The following CSMD2 variants were observed in gnomAD, a reference collection of about 807,000 sequenced individuals.
CSMD2 encodes the protein CUB and Sushi multiple domains 2, also known as CUB and sushi domain-containing protein 2.
Under a neutral mutation model 398.5 loss-of-function variants are expected in CSMD2, and 130 were observed. The observed-to-expected ratio is 0.33, with a 90% CI of 0.28 to 0.38. The LOEUF (loss-of-function observed/expected upper bound fraction) is 0.38, where lower values mean the gene tolerates loss of function less well. Among genes scored for constraint, CSMD2 ranks in the 10% least tolerant of loss-of-function variants. The probability of loss-of-function intolerance (pLI) is 1.00; values close to 1 mark genes in which losing one functional copy is unlikely to be tolerated. For synonymous variants in CSMD2, 1,828 were observed against 1,908.5 expected (o/e 0.96, Z 1.10); for missense variants, 3,829 against 4,764.9 (o/e 0.80, Z 5.78).
intron 1 of CSMD2, among the ~76,000 whole-genome samples, chr1:34,150,989 GCGGGGGATGCAAACTTGA>G (rs1458392281): frequency 6.6e-6 from 1 of 152,142 alleles, no homozygotes; most frequent in African/African-American, 2.4e-5. Flanking sequence ...TAAAGGGGGG[GCGGGGGATGCAAACTTGA>G]CATCTCCCAA....
Position 33,559,393 on chromosome 1 carries a change from A to C in CSMD2, c.8461T>G (p.Phe2821Val). 6.5e-7 allele frequency: 1 copy of C among 1,536,144 alleles called. No individual in the cohort carries two copies. Among genetic ancestry groups the C allele is most frequent in the East Asian group, 2.4e-5 (1 of 40,914 alleles). ...GCCATATACCCAGGGTTGCAAACAAACTTGACCACATCGTTGAGGTTAAAC... is the reference window on the plus strand; with the variant it reads ...GCCATATACCCAGGGTTGCAAACAACCTTGACCACATCGTTGAGGTTAAAC... ...NQFNLNDVVK[F>V]VCNPGYMAEG... Residue 2821 changes from phenylalanine to valine, a missense_variant, in exon 54 of 71, where the codon TTT becomes GTT. By Grantham distance (50) the Phe-to-Val change is conservative. Around this residue, in one of 5 missense-constraint regions of CSMD2, gnomAD observed 917 missense variants for 1,199.5 expected, o/e 0.76. Transcript: ENST00000373381. This position sits in a 1 kb window ranked among gnomAD's most constrained non-coding sequence, Gnocchi z 4.0.
intron 6 of CSMD2, among the ~76,000 whole-genome samples, chr1:33,836,654 C>T (rs981281119): frequency 2.0e-5 from 3 of 152,200 alleles, no homozygotes; most frequent in African/African-American, 7.2e-5. Flanking sequence ...GTGTAGGACC[C>T]TCTGAGCCAT....
At position 33,698,949 on chromosome 1, in the gene CSMD2, T is replaced by C. The variant is rs765650308; in HGVS notation, c.3734-5A>G. 1 of 1,612,316 alleles carries C rather than the reference T, an allele frequency of 6.2e-7. No homozygotes were observed. Among genetic ancestry groups the C allele is most frequent in the Admixed American group, 1.7e-5 (1 of 59,912 alleles). On this transcript the variant is annotated splice_polypyrimidine_tract_variant and splice_region_variant and intron_variant, in intron 23 of 70. Coordinates refer to ENST00000373381, the MANE Select transcript of CSMD2 (RefSeq NM_001281956.2). The stretch of plus-strand genomic sequence containing the variant: ...CACATTTGATGAGTTCAAAGCCTGG[T>C]GAGGAGAGAAGAGGTAGAGTGAGTA...
chr1:33,924,293 C>T lies in CSMD2; in HGVS notation c.713-5992G>A, dbSNP rs114923681. Among the ~76,000 whole-genome samples, 903 of 152,266 alleles carry T rather than the reference C, an allele frequency of 5.9e-3. 8 individuals carry two copies. Among genetic ancestry groups the T allele is most frequent in the Middle Eastern group, 0.014 (4 of 294 alleles). On this transcript the variant is annotated intron_variant, in intron 4 of 70. Coordinates refer to ENST00000373381, the MANE Select transcript of CSMD2 (RefSeq NM_001281956.2). The stretch of plus-strand genomic sequence containing the variant: ...GGGCTCAAGAGATCCCTTGCCTCAG[C>T]CTCCCAAGTAACTGGGACTATGGGC...
chr1:33,571,139 G>A (rs1057381829), intron 51 of CSMD2, among the ~76,000 whole-genome samples: 4 of 151,996 alleles, frequency 2.6e-5, no homozygotes, highest in African/African-American at 4.8e-5. Context: ...AGGTCTTATC[G>A]CACCACATTA....
In CSMD2 at chr1:34,165,200, C is replaced by T; in HGVS notation, c.-103G>A. The T allele has an allele frequency of 1.7e-6, 2 of 1,162,798 alleles. No individual in the cohort carries two copies. Among genetic ancestry groups the T allele is most frequent in the East Asian group, 4.0e-5 (1 of 24,796 alleles). The allele number at this position is 1,162,798 out of a possible 1,614,324, so 72.0% of individuals were successfully genotyped here. On this transcript the variant is annotated 5_prime_UTR_variant, in exon 1 of 71. Coordinates refer to ENST00000373381, the MANE Select transcript of CSMD2 (RefSeq NM_001281956.2). ...TTTCTGCTCGGAAAAAATCCCGGTA[C>T]GCGGGAGCCCTGAGCTTCTGCGGCT... is the stretch of plus-strand genomic sequence containing the variant.
intron 1 of CSMD2, among the ~76,000 whole-genome samples, chr1:34,117,564 T>A (rs1661732210): frequency 6.6e-6 from 1 of 151,576 alleles, no homozygotes; most frequent in Admixed American, 6.6e-5. Context: ...TTTTAAACTT[T>A]CCCCCAAAAT....
chr1:34,075,923 CA>C (rs1306888007), intron 2 of CSMD2, among the ~76,000 whole-genome samples: 1 of 152,230 alleles, frequency 6.6e-6, no homozygotes, highest in Non-Finnish European at 1.5e-5. Context: ...TCCCGGCCTT[CA>C]GGACCAGCTC....
chr1:33,557,640 A>G, intron 55 of CSMD2, 94 bp downstream of exon 55: 1 of 1,055,472 alleles, frequency 9.5e-7, no homozygotes, highest in Non-Finnish European at 1.4e-6. Flanking sequence ...ACACACACAC[A>G]CACACACACA....
intron 10 of CSMD2, among the ~76,000 whole-genome samples, chr1:33,799,516 CATTT>C (rs1218342387): frequency 6.6e-6 from 1 of 152,168 alleles, no homozygotes; most frequent in African/African-American, 2.4e-5. Context: ...TCCCTTCCTC[CATTT>C]ATTTCTCCCT....
intron 44 of CSMD2, among the ~76,000 whole-genome samples, chr1:33,598,134 G>A (rs1639962047): frequency 6.6e-6 from 1 of 152,202 alleles, no homozygotes; most frequent in Non-Finnish European, 1.5e-5. Flanking sequence ...GTAGGGGAAT[G>A]TGCTGAGGAA....
intron 5 of CSMD2, among the ~76,000 whole-genome samples, chr1:33,890,737 C>T (rs564776734): frequency 2.7e-4 from 41 of 151,570 alleles, no homozygotes; most frequent in Middle Eastern, 3.4e-3. Context: ...TCAGAAATAA[C>T]GCTGCATATC....
intron 5 of CSMD2, among the ~76,000 whole-genome samples, chr1:33,865,680 A>G (rs1001237348): frequency 6.6e-6 from 1 of 152,166 alleles, no homozygotes; most frequent in Non-Finnish European, 1.5e-5. Context: ...GCCATTTGCC[A>G]TCTCATAGGG....
At chr1:33,692,430 C>A (rs1187458729) in intron 25 of CSMD2, among the ~76,000 whole-genome samples, 1 of 152,204 alleles carries the variant, frequency 6.6e-6, no homozygotes, top group Non-Finnish European at 1.5e-5. Context: ...GGCCATACAG[C>A]TAAAGCTGAG....
At chr1:34,065,616 C>T (rs572945964) in intron 2 of CSMD2, among the ~76,000 whole-genome samples, 1 of 152,228 alleles carries the variant, frequency 6.6e-6, no homozygotes, top group Non-Finnish European at 1.5e-5. Context: ...CCTCTATAAA[C>T]CTCAATTTTC....
chr1:33,553,850 GC>G (rs766670164), intron 55 of CSMD2, among the ~76,000 whole-genome samples: 4 of 152,024 alleles, frequency 2.6e-5, no homozygotes, highest in Non-Finnish European at 4.4e-5. Context: ...ATCGTCCTTG[GC>G]ATCCACCTAC....
chr1:33,717,679 T>C (rs904251519), intron 19 of CSMD2, among the ~76,000 whole-genome samples: 38 of 151,320 alleles, frequency 2.5e-4, no homozygotes, highest in African/African-American at 9.2e-4. Flanking sequence ...CACCAGCAAA[T>C]AGTTGATATC....
chr1:33,825,458 A>C (rs113080396), intron 7 of CSMD2, among the ~76,000 whole-genome samples: 4 of 152,388 alleles, frequency 2.6e-5, no homozygotes, highest in African/African-American at 9.6e-5. Flanking sequence ...TCAAATGGGA[A>C]GTGAGGGAGA....
chr1:33,592,240 G>A, intron 44 of CSMD2: 1 of 634,562 alleles, frequency 1.6e-6, no homozygotes, highest in Non-Finnish European at 2.8e-6. Context: ...ACATAGGATT[G>A]TTCTACTTTT....
Sources: gnomAD v4.1 joint callset for allele counts (sites outside exome capture counted in the v4.1 genomes callset) on GRCh38, gnomAD v4.1.1 for gene constraint, gnomAD v4.1.1 regional missense constraint, Gnocchi (gnomAD v3.1) non-coding constraint, MANE v1.5 for transcripts, NCBI Gene and HGNC (gene_info 2026-07-23, HGNC 2026-07-21) for gene names.